The following ZNF536 variants were observed in gnomAD, a reference collection of about 807,000 sequenced individuals.
ZNF536 encodes the protein zinc finger protein 536.
A neutral mutation model predicts 84.5 loss-of-function variants in ZNF536; 13 were observed. The observed-to-expected ratio is 0.15, with a 90% CI of 0.10 to 0.24. The LOEUF (loss-of-function observed/expected upper bound fraction) is 0.24, where lower values mean the gene tolerates loss of function less well. Ranked by LOEUF, ZNF536 falls within the 10% of genes least tolerant of loss-of-function variation. ZNF536 has a pLI of 1.00. For missense variants in ZNF536, 1,536 were observed against 1,747.5 expected, an observed-to-expected ratio of 0.88 and a Z score of 2.16; for synonymous variants, 811 against 742.5, an observed-to-expected ratio of 1.09 and a Z score of -1.50.
chr19:30,362,923 A>G (rs1387144718), intron 3 of ZNF536, among the ~76,000 whole-genome samples: 1 of 152,042 alleles, frequency 6.6e-6, no homozygotes, highest in African/African-American at 2.4e-5. Context: ...GCCAGGCGTG[A>G]TGGTGCGTGC....
At chr19:30,244,304 C>T (rs1234326717) in intron 1 of ZNF536, among the ~76,000 whole-genome samples, 2 of 152,082 alleles carry the variant, frequency 1.3e-5, no homozygotes, top group Non-Finnish European at 2.9e-5. Context: ...ATCCACCCCC[C>T]CACCCCTCAG....
At chr19:30,310,866 C>T (rs972503760) in intron 2 of ZNF536, among the ~76,000 whole-genome samples, 3 of 152,228 alleles carry the variant, frequency 2.0e-5, no homozygotes, top group Non-Finnish European at 2.9e-5. Flanking sequence ...TAATGGGCCA[C>T]AGGGACCATG....
chr19:30,292,983 G>A (rs551738776), intron 2 of ZNF536, among the ~76,000 whole-genome samples: 1 of 152,312 alleles, frequency 6.6e-6, no homozygotes, highest in South Asian at 2.1e-4. Flanking sequence ...CGAGAGGAAA[G>A]TAAGCCAGGG....
At chr19:30,403,580 T>C (rs2050141668) in intron 1 of ZNF536, among the ~76,000 whole-genome samples, 1 of 152,232 alleles carries the variant, frequency 6.6e-6, no homozygotes, top group Admixed American at 6.5e-5. Context: ...GGTCCAGGGC[T>C]AGTGCATGGA....
chr19:30,342,181 T>C (rs1203831188), intron 2 of ZNF536, among the ~76,000 whole-genome samples: 1 of 152,148 alleles, frequency 6.6e-6, no homozygotes, highest in Non-Finnish European at 1.5e-5. Flanking sequence ...TTTAGATGTA[T>C]AAGTCATAGT....
intron 1 of ZNF536, among the ~76,000 whole-genome samples, chr19:30,686,111 C>T (rs1030875134): frequency 3.9e-5 from 6 of 152,212 alleles, no homozygotes; most frequent in African/African-American, 1.4e-4. Flanking sequence ...ACGTTCTCAG[C>T]TTCTGCATTT....
At chr19:30,464,691 G>T (rs1231623555) in intron 2 of ZNF536, among the ~76,000 whole-genome samples, 2 of 151,940 alleles carry the variant, frequency 1.3e-5, no homozygotes, top group African/African-American at 2.4e-5. Flanking sequence ...CAGGAAGTAG[G>T]TCCCATGGGA....
intron 1 of ZNF536, among the ~76,000 whole-genome samples, chr19:30,676,629 T>G (rs1253166177): frequency 3.9e-5 from 6 of 152,242 alleles, no homozygotes; most frequent in Non-Finnish European, 1.5e-5. Flanking sequence ...GATTATGATA[T>G]AGGATGGTGT....
At chr19:30,278,807 A>G (rs1016725941) in intron 1 of ZNF536, among the ~76,000 whole-genome samples, 3 of 151,922 alleles carry the variant, frequency 2.0e-5, no homozygotes, top group Non-Finnish European at 4.4e-5. Flanking sequence ...AGCCTCCCCC[A>G]TGGGTCCCCC....
At chr19:30,327,992 C>T (rs1410346519) in intron 2 of ZNF536, among the ~76,000 whole-genome samples, 1 of 152,182 alleles carries the variant, frequency 6.6e-6, no homozygotes, top group Non-Finnish European at 1.5e-5. Flanking sequence ...GTGCCCGTTT[C>T]CTCTTCTCTC....
chr19:30,376,491 A>G (rs2048823689), intron 1 of ZNF536, among the ~76,000 whole-genome samples: 1 of 152,124 alleles, frequency 6.6e-6, no homozygotes, highest in Non-Finnish European at 1.5e-5. Context: ...GTGGTGCAGC[A>G]CCTGTCAATT....
chr19:30,551,627 T>C (rs1251984280), intron 4 of ZNF536, among the ~76,000 whole-genome samples: 1 of 152,188 alleles, frequency 6.6e-6, no homozygotes, highest in Admixed American at 6.5e-5. Flanking sequence ...GCTTGAAGGC[T>C]TCCTGGTTGC....
chr19:30,605,274 G>A (rs2047829358), intron 1 of ZNF536, among the ~76,000 whole-genome samples: 1 of 151,974 alleles, frequency 6.6e-6, no homozygotes, highest in Admixed American at 6.6e-5. Context: ...AGATTCTAGT[G>A]CACCCATCAC....
At chr19:30,425,542 G>C (rs1568416314) in intron 1 of ZNF536, among the ~76,000 whole-genome samples, 1 of 152,106 alleles carries the variant, frequency 6.6e-6, no homozygotes, top group Admixed American at 6.5e-5. Context: ...CACCTCCTCA[G>C]CACTGGCCTT....
In ZNF536 at chr19:30,445,002, C is replaced by T. The variant is rs61743191; in HGVS notation, c.1440C>T (p.Val480=). The T allele has an allele frequency of 2.8e-3, 4,448 of 1,611,518 alleles. 112 individuals carry two copies. The African/African-American group carries it at 0.052, about 19-fold the overall frequency. The change falls in exon 2 of 5, where the codon GTC becomes GTT. Residue 480 remains valine (V), a synonymous_variant. Coordinates refer to ENST00000355537, the MANE Select transcript of ZNF536 (RefSeq NM_014717.3). This position sits in a 1 kb window ranked among gnomAD's most constrained non-coding sequence, Gnocchi z 4.5. ...CCATCTCCAGCATGGCCCACGGCGT[C>T]CCGGAGGGGGACAAGCACTCCCTCC... is the stretch of plus-strand genomic sequence containing the variant. The part of the protein sequence containing the change: ...LSPISSMAHG[V]PEGDKHSLLG...
chr19:30,436,609 T>A, intron 1 of ZNF536: 13 of 573,174 alleles, frequency 2.3e-5, no homozygotes, highest in Non-Finnish European at 2.6e-5. Flanking sequence ...ATGTTCTGTA[T>A]TTCAGAACAG....
intron 3 of ZNF536, among the ~76,000 whole-genome samples, chr19:30,535,653 AG>A (rs962350954): frequency 1.1e-4 from 17 of 152,046 alleles, no homozygotes; most frequent in Non-Finnish European, 2.4e-4. Context: ...GGCTGGCAAC[AG>A]GGAGTTCTGT....
chr19:30,423,156 T>A (rs950200169), intron 1 of ZNF536, among the ~76,000 whole-genome samples: 4 of 145,976 alleles, frequency 2.7e-5, no homozygotes, highest in Admixed American at 7.1e-5. Flanking sequence ...CATCCAACCA[T>A]CCATCCATCC....
intron 1 of ZNF536, among the ~76,000 whole-genome samples, chr19:30,625,417 A>G (rs1342175238): frequency 1.3e-5 from 2 of 152,216 alleles, no homozygotes; most frequent in Non-Finnish European, 2.9e-5. Context: ...AAAATGAGAA[A>G]TGATAATTAT....
Sources: gnomAD v4.1 joint callset for allele counts (sites outside exome capture counted in the v4.1 genomes callset) on GRCh38, gnomAD v4.1.1 for gene constraint, Gnocchi (gnomAD v3.1) non-coding constraint, MANE v1.5 for transcripts, NCBI Gene and HGNC (gene_info 2026-07-23, HGNC 2026-07-21) for gene names.